Variants in SMAD5 observed in about 807,000 individuals in gnomAD.
SMAD5 encodes SMAD family member 5.
In SMAD5, 9 loss-of-function variants were observed where a neutral mutation model predicts 43.1. The observed-to-expected ratio is 0.21, with a 90% CI of 0.13 to 0.36. The LOEUF is 0.36. Among genes scored for constraint, SMAD5 ranks in the 10% least tolerant of loss-of-function variants. SMAD5 has a pLI of 1.00. For synonymous variants in SMAD5, 190 were observed against 192.4 expected, an observed-to-expected ratio of 0.99 and a Z score of 0.10; for missense variants, 348 against 574.0, an observed-to-expected ratio of 0.61 and a Z score of 4.02.
intron 1 of SMAD5, chr5:136,134,944 C>T (rs1752823671): frequency 6.6e-6 from 1 of 152,204 alleles, no homozygotes; most frequent in South Asian, 2.1e-4. Context: ...ACTTTACTCT[C>T]AGGTTTTAAA....
chr5:136,156,451 T>G (rs1353084533), intron 3 of SMAD5, among the ~76,000 whole-genome samples: 2 of 152,096 alleles, frequency 1.3e-5, no homozygotes, highest in Non-Finnish European at 2.9e-5. Context: ...AAAATAACAT[T>G]GGATGTGGAG....
At chr5:136,169,054 C>T (rs192249575) in intron 5 of SMAD5, among the ~76,000 whole-genome samples, 2 of 152,232 alleles carry the variant, frequency 1.3e-5, no homozygotes, top group Non-Finnish European at 2.9e-5. Flanking sequence ...ACAAGGAAGC[C>T]AGGGGTGGAT....
chr5:136,148,294 A>G (rs1043597636), intron 2 of SMAD5, among the ~76,000 whole-genome samples: 3 of 151,148 alleles, frequency 2.0e-5, no homozygotes, highest in Non-Finnish European at 4.4e-5. Context: ...ATATATATAC[A>G]TTTTTTCAAG....
At chr5:136,150,821 G>T (rs1398955298) in intron 2 of SMAD5, among the ~76,000 whole-genome samples, 1 of 152,002 alleles carries the variant, frequency 6.6e-6, no homozygotes, top group African/African-American at 2.4e-5. Flanking sequence ...TGTTGAGTTT[G>T]TAAAGCTTGT....
intron 1 of SMAD5, among the ~76,000 whole-genome samples, chr5:136,145,374 C>T (rs1753225391): frequency 6.6e-6 from 1 of 151,870 alleles, no homozygotes; most frequent in Non-Finnish European, 1.5e-5. Flanking sequence ...ACCAAACAGG[C>T]ACCAGTATCA....
intron 7 of SMAD5, among the ~76,000 whole-genome samples, chr5:136,176,718 C>A (rs961812081): frequency 1.3e-5 from 2 of 152,010 alleles, no homozygotes; most frequent in Non-Finnish European, 2.9e-5. Context: ...TAATTACCTT[C>A]TTTTATTCTT....
intron 3 of SMAD5, among the ~76,000 whole-genome samples, chr5:136,158,014 T>C (rs1753699101): frequency 6.6e-6 from 1 of 152,166 alleles, no homozygotes; most frequent in African/African-American, 2.4e-5. Flanking sequence ...TTATGAGCAT[T>C]AGATGAGTTG....
At chr5:136,162,760 T>C (rs1753867130) in intron 4 of SMAD5, among the ~76,000 whole-genome samples, 1 of 152,224 alleles carries the variant, frequency 6.6e-6, no homozygotes, top group Non-Finnish European at 1.5e-5. Context: ...ACAACAGCCA[T>C]ATTTGGATGT....
rs549364275 is a variant in SMAD5 at position 136,179,804 on chromosome 5, G to C, written c.*2324G>C. The C allele has an allele frequency of 7.7e-6, 1 of 129,518 alleles. No homozygotes were observed. Among genetic ancestry groups the C allele is most frequent in the Admixed American group, 7.2e-5 (1 of 13,930 alleles). The allele number at this position is 129,518 out of a possible 1,614,324, so 8.0% of individuals were successfully genotyped here. A position where few individuals can be genotyped will look rare whatever the true frequency, so the allele number is the denominator to read the frequency against. ...ATGGCATGATCTCTGGAACAAATTT[G>C]TAGGAAAAAATTACTCCAATTGAAT... On this transcript the variant is annotated 3_prime_UTR_variant, in exon 8 of 8. Coordinates refer to ENST00000545279, the MANE Select transcript of SMAD5 (RefSeq NM_005903.7).
rs1223910136 is a variant in SMAD5 at position 136,179,058 on chromosome 5, AC to A, written c.*1579del. ...ACAGAGCGAGACTCTGCCTCAAAAA[AC>A]AAAACAAAACAAAACACTCACCCAT... On this transcript the variant is annotated 3_prime_UTR_variant, in exon 8 of 8. Coordinates refer to ENST00000545279, the MANE Select transcript of SMAD5 (RefSeq NM_005903.7). 1.3e-5 allele frequency: 2 copies of A among 152,444 alleles called. No homozygotes were observed. The highest frequency in any genetic ancestry group is 4.8e-5 in the African/African-American group (2 of 41,558). 9.4% of individuals were successfully genotyped at this position (152,444 alleles called of 1,614,324 possible).
At chr5:136,176,367 ATTG>A (rs1315711410) in intron 7 of SMAD5, among the ~76,000 whole-genome samples, 1 of 145,590 alleles carries the variant, frequency 6.9e-6, no homozygotes, top group African/African-American at 2.5e-5. Flanking sequence ...AGACAGGAGA[ATTG>A]TTTGAACCTG....
At chr5:136,164,465 T>C (rs1398264988) in intron 5 of SMAD5, among the ~76,000 whole-genome samples, 1 of 152,224 alleles carries the variant, frequency 6.6e-6, no homozygotes, top group Non-Finnish European at 1.5e-5. Context: ...ATTGTGGTTT[T>C]AATTTGCATT....
At chr5:136,140,450 G>A (rs1020132500) in intron 1 of SMAD5, among the ~76,000 whole-genome samples, 8 of 151,818 alleles carry the variant, frequency 5.3e-5, no homozygotes, top group African/African-American at 1.9e-4. Flanking sequence ...TTTCCCCCTC[G>A]TACACTGTGT....
intron 5 of SMAD5, among the ~76,000 whole-genome samples, chr5:136,164,215 G>A (rs1006393201): frequency 2.6e-5 from 4 of 152,020 alleles, no homozygotes; most frequent in Non-Finnish European, 5.9e-5. Flanking sequence ...AACAAAAATC[G>A]CATGTAAGTC....
chr5:136,180,185 T>C lies in SMAD5; in HGVS notation c.*2705T>C, dbSNP rs990861704. 1 of 152,158 alleles carries C rather than the reference T, an allele frequency of 6.6e-6. No homozygotes were observed. The highest frequency in any genetic ancestry group is 1.5e-5 in the Non-Finnish European group (1 of 68,008). 9.4% of individuals were successfully genotyped at this position (152,158 alleles called of 1,614,324 possible). ...CTAAGGATTTTCATATATCTATGTA[T>C]AGGAGATAAAATTTGCTAGTAAGAT... On this transcript the variant is annotated 3_prime_UTR_variant, in exon 8 of 8. Transcript: ENST00000545279.
intron 1 of SMAD5, among the ~76,000 whole-genome samples, chr5:136,137,972 C>T (rs1010390084): frequency 4.6e-5 from 7 of 152,168 alleles, no homozygotes; most frequent in Non-Finnish European, 8.8e-5. Context: ...GGTATCTGCA[C>T]TTGATGATTT....
At chr5:136,175,584 A>G (rs934178990) in intron 7 of SMAD5, among the ~76,000 whole-genome samples, 2 of 152,234 alleles carry the variant, frequency 1.3e-5, no homozygotes, top group African/African-American at 4.8e-5. Context: ...AAAGAATTTT[A>G]GTCATGTATT....
rs1352143322 is a variant in SMAD5 at position 136,178,679 on chromosome 5, G to A, written c.*1199G>A. ...CAAGGACCTATGCACTGGAGCCGTA[G>A]GAGGCTCTTCAGTTGGGCCCCAAGG... On this transcript the variant is annotated 3_prime_UTR_variant, in exon 8 of 8. Coordinates refer to ENST00000545279, the MANE Select transcript of SMAD5 (RefSeq NM_005903.7). 3 of 152,162 alleles carry A rather than the reference G, an allele frequency of 2.0e-5. No individual in the cohort carries two copies. The highest frequency in any genetic ancestry group is 1.3e-4 in the Admixed American group (2 of 15,278). The allele number at this position is 152,162 out of a possible 1,614,324, so 9.4% of individuals were successfully genotyped here.
At position 136,175,988 on chromosome 5, in the gene SMAD5, A is replaced by G. The variant is rs188112989; in HGVS notation, c.1255-1349A>G. Among the ~76,000 whole-genome samples the G allele has an allele frequency of 4.5e-3, 681 of 152,296 alleles. 7 individuals are homozygous for G. The highest frequency in any genetic ancestry group is 0.015 in the African/African-American group (637 of 41,566). On this transcript the variant is annotated intron_variant, in intron 7 of 7. Coordinates refer to ENST00000545279, the MANE Select transcript of SMAD5 (RefSeq NM_005903.7). ...GTGAAAAATTTCTATTTCAATTTTT[A>G]TCTGCAGTTTTAGGCTAAAGATTTC...
Sources: gnomAD v4.1 joint callset for allele counts (sites outside exome capture counted in the v4.1 genomes callset) on GRCh38, gnomAD v4.1.1 for gene constraint, MANE v1.5 for transcripts, NCBI Gene and HGNC (gene_info 2026-07-23, HGNC 2026-07-21) for gene names.